The following GOLPH3 variants were observed in gnomAD, a reference collection of about 807,000 sequenced individuals.
GOLPH3 encodes coat protein GPP34.
GOLPH3 carries 14 observed loss-of-function variants against 28.5 expected under a neutral mutation model. The observed-to-expected ratio is 0.49, with a 90% CI of 0.32 to 0.77. GOLPH3 has a LOEUF of 0.77. Among genes scored for constraint, GOLPH3 ranks in the 30% least tolerant of loss-of-function variants. The probability of loss-of-function intolerance (pLI) is 0.03; values close to 1 mark genes in which losing one functional copy is unlikely to be tolerated. For missense variants in GOLPH3, 350 were observed against 393.7 expected (o/e 0.89, Z 0.94); for synonymous variants, 158 against 159.2 (o/e 0.99, Z 0.06).
chr5:32,148,154 A>T (rs1328825351), intron 1 of GOLPH3, among the ~76,000 whole-genome samples: 1 of 152,180 alleles, frequency 6.6e-6, no homozygotes, highest in African/African-American at 2.4e-5. Context: ...CTTAGCCCTT[A>T]TCAACTGTTG....
chr5:32,150,935 A>C (rs1244602720), intron 1 of GOLPH3, among the ~76,000 whole-genome samples: 1 of 152,226 alleles, frequency 6.6e-6, no homozygotes, highest in African/African-American at 2.4e-5. Context: ...ATTAGGAAAA[A>C]CATAATTGGA....
chr5:32,170,604 G>A (rs1264259365), intron 1 of GOLPH3, among the ~76,000 whole-genome samples: 5 of 152,048 alleles, frequency 3.3e-5, no homozygotes, highest in Non-Finnish European at 7.4e-5. Flanking sequence ...AGCCTCCCAA[G>A]GGAAAAACAT....
chr5:32,152,990 G>A (rs1210353618), intron 1 of GOLPH3, among the ~76,000 whole-genome samples: 1 of 152,032 alleles, frequency 6.6e-6, no homozygotes, highest in Non-Finnish European at 1.5e-5. Context: ...CCACTATGAA[G>A]AAACAGCCCC....
intron 2 of GOLPH3, among the ~76,000 whole-genome samples, chr5:32,143,314 G>A (rs161527): frequency 0.17 from 25,673 of 150,878 alleles, 4,891 homozygotes; most frequent in African/African-American, 0.47. Context: ...CAAACACTGC[G>A]GAAGGCCGCA....
Position 32,126,561 on chromosome 5 carries a change from T to C in GOLPH3, c.548A>G (p.Glu183Gly). ...VRERLAKNLVEKGVLTTEKQN... is the reference protein window; with the variant it reads ...VRERLAKNLVGKGVLTTEKQN... ...TTTCTCTGTTGTCAATACACCCTTT[T>C]CCACCAGGTTTTTAGCTAATCGTTC... is the stretch of plus-strand genomic sequence containing the variant. Residue 183 changes from glutamate (E) to glycine (G), a missense_variant, in exon 4 of 4, where the codon GAA becomes GGA. Coordinates refer to ENST00000265070, the MANE Select transcript of GOLPH3 (RefSeq NM_022130.4). 1 of 1,614,156 alleles carries C rather than the reference T, an allele frequency of 6.2e-7. No homozygotes were observed. The highest frequency in any genetic ancestry group is 8.5e-7 in the Non-Finnish European group (1 of 1,180,002).
intron 1 of GOLPH3, among the ~76,000 whole-genome samples, chr5:32,169,083 G>A (rs545738778): frequency 3.3e-5 from 5 of 152,178 alleles, no homozygotes; most frequent in Admixed American, 2.6e-4. Context: ...AGACCAGCCT[G>A]AGCCATGTGG....
At chr5:32,133,488 G>A (rs559015047) in intron 3 of GOLPH3, among the ~76,000 whole-genome samples, 1 of 152,302 alleles carries the variant, frequency 6.6e-6, no homozygotes, top group African/African-American at 2.4e-5. Context: ...GCCAACACTG[G>A]CAGCACAACA....
chr5:32,139,101 A>T (rs923440678), intron 2 of GOLPH3, among the ~76,000 whole-genome samples: 1 of 152,202 alleles, frequency 6.6e-6, no homozygotes, highest in Non-Finnish European at 1.5e-5. Context: ...TGTCCTCTAA[A>T]TCTTTCTGAA....
In GOLPH3 at chr5:32,141,633, G is replaced by A. The variant is rs537102430; in HGVS notation, c.357+2116C>T. 1.1e-4 allele frequency among the ~76,000 whole-genome samples: 17 copies of A among 152,134 alleles called. No homozygotes were observed. In the South Asian group the frequency reaches 2.5e-3, roughly 22 times the overall value. ...CTCCCTCCTCTCCCTCTCTTTCCAC[G>A]GTCTCCCTCTGATGCCGAGCCAAAG... On this transcript the variant is annotated intron_variant, in intron 2 of 3. Transcript: ENST00000265070.
At chr5:32,165,707 G>C (rs1047512286) in intron 1 of GOLPH3, among the ~76,000 whole-genome samples, 1 of 152,202 alleles carries the variant, frequency 6.6e-6, no homozygotes, top group East Asian at 1.9e-4. Flanking sequence ...CAGTGAATTT[G>C]TACTTAGTAA....
At chr5:32,163,537 C>T (rs905188849) in intron 1 of GOLPH3, among the ~76,000 whole-genome samples, 1 of 152,098 alleles carries the variant, frequency 6.6e-6, no homozygotes, top group South Asian at 2.1e-4. Flanking sequence ...GCCTGTAATC[C>T]CAGCTACTTG....
chr5:32,141,747 G>A (rs928546995), intron 2 of GOLPH3, among the ~76,000 whole-genome samples: 1 of 152,156 alleles, frequency 6.6e-6, no homozygotes, highest in Non-Finnish European at 1.5e-5. Flanking sequence ...GATTGCAGGC[G>A]CGCGCCGCCA....
intron 3 of GOLPH3, among the ~76,000 whole-genome samples, chr5:32,127,042 T>C (rs757740983): frequency 2.0e-5 from 3 of 152,232 alleles, no homozygotes; most frequent in African/African-American, 4.8e-5. Context: ...GATTAATATG[T>C]TATTCCTGAA....
chr5:32,174,076 G>A lies in GOLPH3; in HGVS notation c.-42C>T. 1 of 1,224,214 alleles carries A rather than the reference G, an allele frequency of 8.2e-7. No individual in the cohort carries two copies. The highest frequency in any genetic ancestry group is 1.0e-6 in the Non-Finnish European group (1 of 977,840). 75.8% of individuals were successfully genotyped at this position (1,224,214 alleles called of 1,614,324 possible). Reference sequence around the variant, plus strand: ...CCGAGCCGGGCCGAGAGGGTCGCAGGACCGACCGGGTCGCCCTCCTCCTCC... The same window carrying A: ...CCGAGCCGGGCCGAGAGGGTCGCAGAACCGACCGGGTCGCCCTCCTCCTCC... On this transcript the variant is annotated 5_prime_UTR_variant, in exon 1 of 4. Coordinates refer to ENST00000265070, the MANE Select transcript of GOLPH3 (RefSeq NM_022130.4).
At chr5:32,153,379 T>C (rs752856327) in intron 1 of GOLPH3, among the ~76,000 whole-genome samples, 16 of 151,748 alleles carry the variant, frequency 1.1e-4, no homozygotes, top group Non-Finnish European at 2.4e-4. Context: ...AATGAGACTT[T>C]TGAATATAAC....
intron 1 of GOLPH3, among the ~76,000 whole-genome samples, chr5:32,170,024 C>A (rs1442812133): frequency 6.6e-6 from 1 of 151,032 alleles, no homozygotes; most frequent in Admixed American, 6.6e-5. Flanking sequence ...GAAGCCAGAC[C>A]ATCTGCTTAT....
chr5:32,140,672 A>T (rs951817353), intron 2 of GOLPH3, among the ~76,000 whole-genome samples: 5 of 151,662 alleles, frequency 3.3e-5, no homozygotes, highest in Non-Finnish European at 7.4e-5. Context: ...TCAGAAAAAA[A>T]AAAAAAAAAT....
At chr5:32,158,075 C>A (rs1746481052) in intron 1 of GOLPH3, among the ~76,000 whole-genome samples, 1 of 97,828 alleles carries the variant, frequency 1.0e-5, no homozygotes, top group Non-Finnish European at 2.1e-5. Flanking sequence ...GCAAAATCAG[C>A]TTTAAACTCT....
chr5:32,136,853 C>T (rs968535334), intron 2 of GOLPH3, among the ~76,000 whole-genome samples: 1 of 152,160 alleles, frequency 6.6e-6, no homozygotes, highest in African/African-American at 2.4e-5. Flanking sequence ...GATACTCAAT[C>T]TTATATTATA....
Sources: allele counts gnomAD v4.1 joint callset (sites outside exome capture counted in the v4.1 genomes callset), GRCh38; gene constraint gnomAD v4.1.1; transcripts MANE v1.5; gene names NCBI Gene and HGNC (gene_info 2026-07-23, HGNC 2026-07-21).